ENOPH1: variants seen among roughly 807,000 people sequenced by gnomAD.
ENOPH1 encodes the protein enolase-phosphatase 1.
Under a neutral mutation model 31.1 loss-of-function variants are expected in ENOPH1, and 14 were observed. The observed-to-expected ratio is 0.45, with a 90% CI of 0.30 to 0.70. The LOEUF (loss-of-function observed/expected upper bound fraction) is 0.70, where lower values mean the gene tolerates loss of function less well. Among genes scored for constraint, ENOPH1 ranks in the 30% least tolerant of loss-of-function variants. The pLI is 0.09. For synonymous variants in ENOPH1, 127 were observed against 123.2 expected (o/e 1.03, Z -0.21); for missense variants, 243 against 321.5 (o/e 0.76, Z 1.87).
At position 82,451,246 on chromosome 4, in the gene ENOPH1, G is replaced by A. The variant is rs760143540; in HGVS notation, c.389+1G>A. 3 of 1,613,888 alleles carry A rather than the reference G, an allele frequency of 1.9e-6. No homozygotes were observed. Among genetic ancestry groups the A allele is most frequent in the Non-Finnish European group, 1.7e-6 (2 of 1,179,900 alleles). ...TCACAGCTGGGCGCATGAAAGCAGAGTATGTGCTTGAGTCAGCCTAAACAT... is the reference window on the plus strand; with the variant it reads ...TCACAGCTGGGCGCATGAAAGCAGAATATGTGCTTGAGTCAGCCTAAACAT... On this transcript the variant is annotated splice_donor_variant, in intron 3 of 5. Coordinates refer to ENST00000273920, the MANE Select transcript of ENOPH1 (RefSeq NM_021204.5). LOFTEE classifies it high-confidence loss of function.
intron 3 of ENOPH1, among the ~76,000 whole-genome samples, chr4:82,453,977 G>C (rs920146808): frequency 3.3e-5 from 5 of 151,790 alleles, no homozygotes; most frequent in African/African-American, 1.2e-4. Flanking sequence ...AGGCTGAAGT[G>C]GGGGGATCAC....
chr4:82,438,798 ACTT>A (rs1022184426), intron 1 of ENOPH1, among the ~76,000 whole-genome samples: 1 of 152,306 alleles, frequency 6.6e-6, no homozygotes, highest in East Asian at 1.9e-4. Context: ...AAAAGTGCTT[ACTT>A]CTTCTTTGTC....
At chr4:82,440,190 A>G (rs370378414) in intron 1 of ENOPH1, among the ~76,000 whole-genome samples, 1 of 152,234 alleles carries the variant, frequency 6.6e-6, no homozygotes, top group African/African-American at 2.4e-5. Context: ...TACTCCCATT[A>G]CTATAACTAC....
At chr4:82,457,697 G>A (rs1232671010) in intron 5 of ENOPH1, among the ~76,000 whole-genome samples, 3 of 152,202 alleles carry the variant, frequency 2.0e-5, no homozygotes, top group Non-Finnish European at 2.9e-5. Flanking sequence ...CATGCAAGCG[G>A]GGTTGTGAGT....
chr4:82,447,271 C>T (rs1202442116), intron 1 of ENOPH1, among the ~76,000 whole-genome samples: 1 of 152,200 alleles, frequency 6.6e-6, no homozygotes, highest in African/African-American at 2.4e-5. Flanking sequence ...CAAGTGTGAG[C>T]CACCATGCCC....
intron 3 of ENOPH1, 118 bp downstream of exon 3, chr4:82,451,363 T>C: frequency 1.0e-6 from 1 of 959,488 alleles, no homozygotes; most frequent in South Asian, 1.7e-5. Context: ...AAATCCACAC[T>C]CTTTTTAGTC....
At chr4:82,457,687 C>G (rs1722526719) in intron 5 of ENOPH1, among the ~76,000 whole-genome samples, 1 of 152,166 alleles carries the variant, frequency 6.6e-6, no homozygotes, top group Non-Finnish European at 1.5e-5. Context: ...TGGGAAGGAG[C>G]ATGCAAGCGG....
chr4:82,431,630 C>T (rs951089690), intron 1 of ENOPH1, among the ~76,000 whole-genome samples: 1 of 152,112 alleles, frequency 6.6e-6, no homozygotes, highest in African/African-American at 2.4e-5. Context: ...TGCAACTTAG[C>T]GGATTCCTTC....
At chr4:82,457,154 T>C in intron 5 of ENOPH1, 116 bp downstream of exon 5, 1 of 997,416 alleles carries the variant, frequency 1.0e-6, no homozygotes, top group Non-Finnish European at 1.4e-6. Flanking sequence ...ATAAAACAGT[T>C]TTACGGTTTT....
chr4:82,437,127 T>C (rs1008858200), intron 1 of ENOPH1, among the ~76,000 whole-genome samples: 6 of 152,182 alleles, frequency 3.9e-5, no homozygotes, highest in Admixed American at 3.9e-4. Context: ...CTTTGATTTC[T>C]GGTTCCTTAT....
intron 1 of ENOPH1, among the ~76,000 whole-genome samples, chr4:82,441,251 GGAA>G (rs1387691288): frequency 2.6e-5 from 4 of 152,318 alleles, no homozygotes; most frequent in South Asian, 2.1e-4. Context: ...CAATCATGGT[GGAA>G]GAAGAAGGAA....
intron 2 of ENOPH1, among the ~76,000 whole-genome samples, chr4:82,449,445 C>CA (rs1722289418): frequency 6.6e-6 from 1 of 152,154 alleles, no homozygotes; most frequent in Admixed American, 6.5e-5. Flanking sequence ...GGGGAGACCT[C>CA]AGGAAGCTTC....
intron 3 of ENOPH1, among the ~76,000 whole-genome samples, chr4:82,453,598 T>C (rs542125665): frequency 1.2e-3 from 188 of 152,336 alleles, no homozygotes; most frequent in African/African-American, 4.2e-3. Flanking sequence ...GTTGATCTCT[T>C]TCCTTCAATT....
At chr4:82,453,924 G>A (rs918020463) in intron 3 of ENOPH1, among the ~76,000 whole-genome samples, 5 of 152,164 alleles carry the variant, frequency 3.3e-5, no homozygotes, top group African/African-American at 1.2e-4. Context: ...AAAAAATGCA[G>A]GCCGGGTGCA....
At chr4:82,448,394 G>C (rs1722254430) in intron 2 of ENOPH1, among the ~76,000 whole-genome samples, 2 of 151,808 alleles carry the variant, frequency 1.3e-5, no homozygotes, top group African/African-American at 4.8e-5. Context: ...CCGAGTAGCT[G>C]GGACTACAGG....
At chr4:82,459,852 T>G in intron 5 of ENOPH1, 129 bp from the exon 6 acceptor site, 1 of 954,940 alleles carries the variant, frequency 1.0e-6, no homozygotes, top group Non-Finnish European at 1.6e-6. Context: ...ATCTTTTAGC[T>G]TCAACAGTCA....
intron 2 of ENOPH1, among the ~76,000 whole-genome samples, chr4:82,448,262 T>G (rs1285027442): frequency 1.6e-5 from 2 of 125,286 alleles, no homozygotes; most frequent in African/African-American, 2.9e-5. Context: ...TTTTGTTTTG[T>G]TTTTTTTGTT....
intron 3 of ENOPH1, among the ~76,000 whole-genome samples, chr4:82,452,140 G>A (rs1316502551): frequency 6.6e-6 from 1 of 151,578 alleles, no homozygotes; most frequent in Non-Finnish European, 1.5e-5. Context: ...GTGCAGTGGT[G>A]CCATCATAGC....
At chr4:82,458,235 G>C (rs1447831521) in intron 5 of ENOPH1, among the ~76,000 whole-genome samples, 1 of 152,144 alleles carries the variant, frequency 6.6e-6, no homozygotes, top group Non-Finnish European at 1.5e-5. Context: ...GGCTGGGCGC[G>C]GTAACTCACA....
Sources: gnomAD v4.1 joint callset for allele counts (sites outside exome capture counted in the v4.1 genomes callset) on GRCh38, gnomAD v4.1.1 for gene constraint, MANE v1.5 for transcripts, NCBI Gene and HGNC (gene_info 2026-07-23, HGNC 2026-07-21) for gene names.